Variants in CFAP58 observed in about 807,000 individuals in gnomAD.
The protein encoded by CFAP58 is cilia and flagella associated protein 58.
CFAP58 carries 88 observed loss-of-function variants against 119.5 expected under a neutral mutation model. The observed-to-expected ratio is 0.74, with a 90% CI of 0.62 to 0.88. The LOEUF is 0.88. Among genes scored for constraint, CFAP58 ranks in the 40% least tolerant of loss-of-function variants. CFAP58 has a pLI of 0.00. For synonymous variants in CFAP58, 365 were observed against 366.3 expected (o/e 1.00, Z 0.04); for missense variants, 990 against 1,021.2 (o/e 0.97, Z 0.42).
At position 104,371,006 on chromosome 10, in the gene CFAP58, G is replaced by A. The variant is rs771146970; in HGVS notation, c.1042G>A (p.Glu348Lys). Residue 348 changes from glutamate to lysine, a missense_variant, in exon 7 of 18, where the codon GAA (glutamate) becomes AAA (lysine). By Grantham distance (56) the Glu-to-Lys change is moderately conservative (BLOSUM62 1). Transcript: ENST00000369704. ...HHTEDQKAEV[E>K]QHKETLKNQI... is the part of the protein sequence containing the mutation. ...CACCGAAGATCAAAAGGCAGAAGTC[G>A]AACAGCACAAAGAAACCCTAAAAAA... is the stretch of plus-strand genomic sequence containing the variant. The A allele has an allele frequency of 1.1e-5, 18 of 1,613,166 alleles. No individual in the cohort carries two copies. The East Asian group carries it at 1.8e-4, about 16-fold the overall frequency.
intron 12 of CFAP58, 82 bp downstream of exon 12, chr10:104,399,582 T>A: frequency 2.1e-6 from 3 of 1,423,016 alleles, no homozygotes; most frequent in Non-Finnish European, 2.9e-6. Flanking sequence ...TTCCTTCCTC[T>A]CTAAGCTCTT....
intron 13 of CFAP58, among the ~76,000 whole-genome samples, chr10:104,401,606 T>G (rs968538050): frequency 6.6e-6 from 1 of 152,358 alleles, no homozygotes; most frequent in African/African-American, 2.4e-5. Context: ...GACTTGTAGA[T>G]GAACAGTATC....
intron 6 of CFAP58, among the ~76,000 whole-genome samples, chr10:104,369,713 C>G (rs2014797818): frequency 6.6e-6 from 1 of 152,144 alleles, no homozygotes; most frequent in South Asian, 2.1e-4. Flanking sequence ...TTTCTGTTAT[C>G]AGATCATGAG....
Position 104,448,031 on chromosome 10 carries a change from C to T in CFAP58, c.2376+214C>T, listed in dbSNP as rs183053496. Among the ~76,000 whole-genome samples the T allele has an allele frequency of 5.9e-4, 90 of 152,294 alleles. 1 individual carries two copies. Among genetic ancestry groups the T allele is most frequent in the African/African-American group, 2.0e-3 (85 of 41,568 alleles). Reference sequence around the variant, plus strand: ...TATTAGACAGCACCATTCTCCATTTCCAGAAAGAGGCAGGTGAGCAAGGGA... The same window carrying T: ...TATTAGACAGCACCATTCTCCATTTTCAGAAAGAGGCAGGTGAGCAAGGGA... On this transcript the variant is annotated intron_variant, in intron 16 of 17. Coordinates refer to ENST00000369704, the MANE Select transcript of CFAP58 (RefSeq NM_001008723.2).
At chr10:104,432,730 T>A (rs1203772573) in intron 15 of CFAP58, among the ~76,000 whole-genome samples, 9 of 152,234 alleles carry the variant, frequency 5.9e-5, no homozygotes, top group Non-Finnish European at 1.5e-5. Flanking sequence ...CTCTATCTCC[T>A]GACCTTGTGA....
chr10:104,396,332 A>T (rs1345059132), intron 11 of CFAP58, among the ~76,000 whole-genome samples: 4 of 140,008 alleles, frequency 2.9e-5, no homozygotes, highest in African/African-American at 1.1e-4. Flanking sequence ...TACTCAGTGG[A>T]CTCTGTAGCC....
At chr10:104,372,288 G>T (rs895695968) in intron 7 of CFAP58, among the ~76,000 whole-genome samples, 6 of 152,134 alleles carry the variant, frequency 3.9e-5, no homozygotes, top group Non-Finnish European at 5.9e-5. Flanking sequence ...GGGAGGTGGA[G>T]GTTGCAGTGA....
Position 104,400,755 on chromosome 10 carries a change from A to G in CFAP58, c.1891A>G (p.Ile631Val). 2 of 1,614,128 alleles carry G rather than the reference A, an allele frequency of 1.2e-6. No homozygotes were observed. The highest frequency in any genetic ancestry group is 1.3e-5 in the African/African-American group (1 of 75,018). The change falls in exon 13 of 18, where the codon ATC becomes GTC. Residue 631 changes from isoleucine to valine, a missense_variant. Coordinates refer to ENST00000369704, the MANE Select transcript of CFAP58 (RefSeq NM_001008723.2). The part of the protein sequence containing the change: ...NDELALLYEK[I>V]KIQQSVLNKG... Reference sequence around the variant, plus strand: ...TGAGTTAGCTTTGCTCTATGAGAAGATCAAGATCCAACAGTCTGTGCTGAA... The same window carrying G: ...TGAGTTAGCTTTGCTCTATGAGAAGGTCAAGATCCAACAGTCTGTGCTGAA...
intron 15 of CFAP58, among the ~76,000 whole-genome samples, chr10:104,420,665 G>A (rs1446364665): frequency 6.6e-6 from 1 of 151,786 alleles, no homozygotes; most frequent in Non-Finnish European, 1.5e-5. Context: ...GAAAAAAAGA[G>A]TGGTTTTCAA....
chr10:104,356,303 G>A (rs906664761), intron 1 of CFAP58, among the ~76,000 whole-genome samples: 5 of 152,142 alleles, frequency 3.3e-5, no homozygotes, highest in Admixed American at 1.3e-4. Context: ...CCAAGAATAC[G>A]TAGACTTTTT....
chr10:104,399,323 G>T (rs779128183), intron 11 of CFAP58, 37 bp from the exon 12 acceptor site: 1 of 1,608,624 alleles, frequency 6.2e-7, no homozygotes, highest in South Asian at 1.1e-5. Flanking sequence ...GTGCTGTAAC[G>T]AATTGAAATT....
At chr10:104,352,958 A>G (rs1349262231), upstream of CFAP58, among the ~76,000 whole-genome samples, 2 of 152,216 alleles carry the variant, frequency 1.3e-5, no homozygotes, top group Non-Finnish European at 2.9e-5. Context: ...AATTTTGTAC[A>G]TTTCCCAAAA....
chr10:104,375,774 G>A (rs1011617786), intron 7 of CFAP58, among the ~76,000 whole-genome samples: 11 of 151,952 alleles, frequency 7.2e-5, no homozygotes, highest in Middle Eastern at 3.4e-3. Flanking sequence ...CAATTCAAAC[G>A]GGGGTGGATG....
intron 16 of CFAP58, 33 bp from the exon 17 acceptor site, chr10:104,450,038 C>A (rs745609149): frequency 1.3e-6 from 2 of 1,577,984 alleles, no homozygotes; most frequent in African/African-American, 1.4e-5. Flanking sequence ...GATATTGTAT[C>A]TTTTGTTAAT....
At chr10:104,367,951 C>G (rs2014773511) in intron 5 of CFAP58, among the ~76,000 whole-genome samples, 1 of 152,206 alleles carries the variant, frequency 6.6e-6, no homozygotes, top group Non-Finnish European at 1.5e-5. Flanking sequence ...AGAAAATTGT[C>G]TCTGTGTTGG....
intron 15 of CFAP58, among the ~76,000 whole-genome samples, chr10:104,411,205 GTTAATC>G (rs1409957081): frequency 1.6e-4 from 24 of 152,150 alleles, no homozygotes; most frequent in Admixed American, 1.5e-3. Flanking sequence ...CTCCCAAAGT[GTTAATC>G]TTAATCTTCT....
chr10:104,366,194 C>T (rs762826629), intron 5 of CFAP58, among the ~76,000 whole-genome samples, 186 bp downstream of exon 5: 1 of 152,142 alleles, frequency 6.6e-6, no homozygotes, highest in African/African-American at 2.4e-5. Context: ...TTATGCCCCC[C>T]CTTTTAAATT....
intron 15 of CFAP58, among the ~76,000 whole-genome samples, chr10:104,413,507 C>G (rs185431857): frequency 1.3e-5 from 2 of 152,156 alleles, no homozygotes; most frequent in South Asian, 4.1e-4. Context: ...GCTACTCTCC[C>G]CTTCAGAGAA....
intron 15 of CFAP58, among the ~76,000 whole-genome samples, chr10:104,440,373 G>A (rs1316313896): frequency 6.6e-6 from 1 of 152,054 alleles, no homozygotes; most frequent in African/African-American, 2.4e-5. Flanking sequence ...AATGTGATTT[G>A]GTTGGGTCAG....
Sources: allele counts gnomAD v4.1 joint callset (sites outside exome capture counted in the v4.1 genomes callset), GRCh38; gene constraint gnomAD v4.1.1; transcripts MANE v1.5; gene names NCBI Gene and HGNC (gene_info 2026-07-23, HGNC 2026-07-21).